Variants in DHRS4 observed in about 807,000 individuals in gnomAD.
The protein encoded by DHRS4 is dehydrogenase/reductase 4.
Under a neutral mutation model 28.4 loss-of-function variants are expected in DHRS4, and 20 were observed. The observed-to-expected ratio is 0.71, with a 90% confidence interval of 0.50 to 1.02. The LOEUF (loss-of-function observed/expected upper bound fraction) is 1.02. Ranked by LOEUF, DHRS4 falls within the 50% of genes least tolerant of loss-of-function variation. The pLI, the probability that DHRS4 is intolerant of heterozygous loss-of-function variation, is 0.00. For missense variants in DHRS4, 378 were observed against 367.2 expected (o/e 1.03, Z -0.24); for synonymous variants, 144 against 146.4 (o/e 0.98, Z 0.12).
chr14:23,959,219 G>A (rs1479048948), intron 2 of DHRS4, among the ~76,000 whole-genome samples: 2 of 152,194 alleles, frequency 1.3e-5, no homozygotes, highest in African/African-American at 4.8e-5. Context: ...GTAAAGAAAA[G>A]AGCGTCAGAG....
chr14:23,956,200 C>A (rs1174496750), intron 2 of DHRS4, among the ~76,000 whole-genome samples: 3 of 152,222 alleles, frequency 2.0e-5, no homozygotes, highest in Non-Finnish European at 4.4e-5. Flanking sequence ...AAAAGCTTGG[C>A]TTAGGCTGAT....
intron 3 of DHRS4, among the ~76,000 whole-genome samples, chr14:23,961,415 C>T (rs2033407857): frequency 7.7e-6 from 1 of 130,072 alleles, no homozygotes; most frequent in Non-Finnish European, 1.5e-5. Flanking sequence ...ATCAAAATAA[C>T]TTCTCTTTCT....
rs559951056 is a variant in DHRS4 at position 23,960,033 on chromosome 14, G to C, written c.408+30G>C. The C allele has an allele frequency of 1.5e-5, 24 of 1,594,548 alleles. No individual in the cohort carries two copies. In the South Asian group the frequency reaches 1.8e-4, roughly 12 times the overall value. ...GAGGGGATTAAAGCAGGGGGGCCGG[G>C]GGGGGCGCCTTGGAACACATTCAGC... On this transcript the variant is annotated intron_variant, in intron 3 of 7. Coordinates refer to ENST00000313250, the MANE Select transcript of DHRS4 (RefSeq NM_021004.4).
intron 5 of DHRS4, 79 bp downstream of exon 5, chr14:23,966,062 T>C (rs1224697171): frequency 1.2e-6 from 2 of 1,606,402 alleles, no homozygotes; most frequent in East Asian, 4.5e-5. Context: ...CCAAGGAAGT[T>C]TGTGTCCCCT....
In DHRS4 at chr14:23,966,426, G is replaced by A. The variant is rs756319331; in HGVS notation, c.666+9G>A. On this transcript the variant is annotated intron_variant, in intron 6 of 7. Coordinates refer to ENST00000313250, the MANE Select transcript of DHRS4 (RefSeq NM_021004.4). ...CTAGCTTCAGCAGGATGGTGAGGAA[G>A]GGGAGCTTTGCATTTGACTGGGACC... is the stretch of plus-strand genomic sequence containing the variant. The A allele has an allele frequency of 3.9e-5, 63 of 1,613,410 alleles. No individual in the cohort carries two copies. The highest frequency in any genetic ancestry group is 1.2e-4 in the Admixed American group (7 of 59,912).
In DHRS4 at chr14:23,966,129, C is replaced by T. The variant is rs2033606985; in HGVS notation, c.531+146C>T. On this transcript the variant is annotated intron_variant, in intron 5 of 7. Coordinates refer to ENST00000313250, the MANE Select transcript of DHRS4 (RefSeq NM_021004.4). Reference sequence around the variant, plus strand: ...AAAATAGATGCCTTGCCTCCACAAACCACAACCTAGGGGAGGTTTAGCCAC... The same window carrying T: ...AAAATAGATGCCTTGCCTCCACAAATCACAACCTAGGGGAGGTTTAGCCAC... 4 of 1,590,626 alleles carry T rather than the reference C, an allele frequency of 2.5e-6. No individual in the cohort carries two copies. The African/African-American group carries it at 5.4e-5, about 21-fold the overall frequency.
At chr14:23,955,273 C>T (rs1594412244) in intron 2 of DHRS4, 61 bp downstream of exon 2, 10 of 1,541,060 alleles carry the variant, frequency 6.5e-6, no homozygotes, top group Non-Finnish European at 8.7e-6. Flanking sequence ...GCCTGAGCCT[C>T]CTTCCCTGCT....
At chr14:23,962,733 C>A (rs2033467410) in intron 3 of DHRS4, among the ~76,000 whole-genome samples, 1 of 151,298 alleles carries the variant, frequency 6.6e-6, no homozygotes, top group East Asian at 1.9e-4. Flanking sequence ...CCATGAATCA[C>A]AAATATTCTT....
At chr14:23,964,010 C>G (rs1335055245) in intron 3 of DHRS4, among the ~76,000 whole-genome samples, 1 of 151,060 alleles carries the variant, frequency 6.6e-6, no homozygotes, top group East Asian at 1.9e-4. Flanking sequence ...AGTTGACCTT[C>G]TTTTCTGGGT....
At chr14:23,958,338 G>A (rs541995143) in intron 2 of DHRS4, among the ~76,000 whole-genome samples, 2 of 152,268 alleles carry the variant, frequency 1.3e-5, no homozygotes, top group East Asian at 3.9e-4. Flanking sequence ...CCCTCTGTGT[G>A]CCAAATCCGG....
At position 23,965,800 on chromosome 14, in the gene DHRS4, A is replaced by G; in HGVS notation, c.447A>G (p.Thr149=). The G allele has an allele frequency of 6.2e-7, 1 of 1,606,486 alleles. No homozygotes were observed. The highest frequency in any genetic ancestry group is 8.5e-7 in the Non-Finnish European group (1 of 1,175,894). The part of the protein sequence containing the change: ...DINVKAPALM[T]KAVVPEMEKR... Reference sequence around the variant, plus strand: ...ATGTGAAGGCCCCAGCCCTGATGACAAAGGCAGTGGTGCCAGAAATGGAGA... The same window carrying G: ...ATGTGAAGGCCCCAGCCCTGATGACGAAGGCAGTGGTGCCAGAAATGGAGA... The change falls in exon 4 of 8, where the codon ACA becomes ACG. Residue 149 remains threonine, a synonymous_variant. Transcript: ENST00000313250.
At chr14:23,960,237 C>CT (rs1304770361) in intron 3 of DHRS4, among the ~76,000 whole-genome samples, 4 of 152,028 alleles carry the variant, frequency 2.6e-5, no homozygotes, top group Non-Finnish European at 5.9e-5. Context: ...CTGCTCTTCA[C>CT]TAGCCACAGT....
At position 23,963,528 on chromosome 14, in the gene DHRS4, T is replaced by G. The variant is rs922498122; in HGVS notation, c.409-2234T>G. Among the ~76,000 whole-genome samples, 26 of 148,940 alleles carry G rather than the reference T, an allele frequency of 1.7e-4. 3 individuals are homozygous for G. Among genetic ancestry groups the G allele is most frequent in the African/African-American group, 6.6e-4 (26 of 39,448 alleles). On this transcript the variant is annotated intron_variant, in intron 3 of 7. Transcript: ENST00000313250. ...CTTTTCCGGAGCTTCTTCACCTCTC[T>G]CAGCCTTCAAAGAATTAAAAATTAG...
rs76754832 is a variant in DHRS4 at position 23,965,935 on chromosome 14, C to A, written c.483C>A (p.Gly161=). Residue 161 remains glycine (G), a synonymous_variant, in exon 5 of 8, where the codon GGC becomes GGA. Transcript: ENST00000313250. ...AVVPEMEKRG[G]GSVVIVSSIA... Reference sequence around the variant, plus strand: ...GTCAGCTCTCTTCTTTTTCCAGAGGCGGCTCAGTGGTGATCGTGTCTTCCA... The same window carrying A: ...GTCAGCTCTCTTCTTTTTCCAGAGGAGGCTCAGTGGTGATCGTGTCTTCCA... 6.2e-6 allele frequency: 10 copies of A among 1,607,534 alleles called. 1 individual carries two copies. The African/African-American group carries it at 1.1e-4, about 17-fold the overall frequency.
At chr14:23,959,733 T>C (rs1025232802) in intron 2 of DHRS4, among the ~76,000 whole-genome samples, 169 bp from the exon 3 acceptor site, 3 of 151,828 alleles carry the variant, frequency 2.0e-5, no homozygotes, top group African/African-American at 7.3e-5. Context: ...GGCCCAGGCT[T>C]CTCTCAAACT....
intron 3 of DHRS4, among the ~76,000 whole-genome samples, chr14:23,961,182 T>C (rs982425366): frequency 8.6e-5 from 13 of 150,746 alleles, no homozygotes; most frequent in African/African-American, 3.2e-4. Flanking sequence ...GTCATCAAAA[T>C]TTCTCAACAC....
At chr14:23,961,549 C>T (rs1391537813) in intron 3 of DHRS4, among the ~76,000 whole-genome samples, 3 of 117,290 alleles carry the variant, frequency 2.6e-5, no homozygotes, top group Non-Finnish European at 4.9e-5. Context: ...TTTTTTCCCT[C>T]GCTGTGTCAT....
chr14:23,965,999 T>C lies in DHRS4; in HGVS notation c.531+16T>C. On this transcript the variant is annotated intron_variant, in intron 5 of 7. Transcript: ENST00000313250. ...TCCATCTCCTGTAAGAACCCTTTTGTCTACCTCTTCCATCCCACCCTCCAC... is the reference window on the plus strand; with the variant it reads ...TCCATCTCCTGTAAGAACCCTTTTGCCTACCTCTTCCATCCCACCCTCCAC... 6.2e-7 allele frequency: 1 copy of C among 1,610,256 alleles called. No individual in the cohort carries two copies. The highest frequency in any genetic ancestry group is 1.3e-5 in the African/African-American group (1 of 74,652).
Position 23,964,247 on chromosome 14 carries a change from A to ACAAAAAAC in DHRS4, c.409-1515_409-1514insCAAAAAAC, listed in dbSNP as rs1196543992. ...AAAAAAAAAAAAAAAAAAAAAAAAA[A>ACAAAAAAC]AAAAAAACACAATATCTGCAAAGCA... On this transcript the variant is annotated intron_variant, in intron 3 of 7. Transcript: ENST00000313250. Among the ~76,000 whole-genome samples, 914 of 129,706 alleles carry ACAAAAAAC rather than the reference A, an allele frequency of 7.0e-3. 30 individuals carry two copies. The highest frequency in any genetic ancestry group is 0.028 in the African/African-American group (851 of 30,118). 85.1% of individuals were successfully genotyped at this position (129,706 alleles called of 152,430 possible).
Sources: allele counts gnomAD v4.1 joint callset (sites outside exome capture counted in the v4.1 genomes callset), GRCh38; gene constraint gnomAD v4.1.1; transcripts MANE v1.5; gene names NCBI Gene and HGNC (gene_info 2026-07-23, HGNC 2026-07-21).